Variants in FAM118A observed in about 807,000 individuals in gnomAD.
FAM118A encodes SIR2 antiphage like 2.
Under a neutral mutation model 38.2 loss-of-function variants are expected in FAM118A, and 25 were observed. The observed-to-expected ratio is 0.65, with a 90% CI of 0.48 to 0.91. FAM118A has a LOEUF of 0.91. FAM118A is among the 40% of genes least tolerant of loss of function. FAM118A has a pLI of 0.00. For synonymous variants in FAM118A, 178 were observed against 184.1 expected, an observed-to-expected ratio of 0.97 and a Z score of 0.27; for missense variants, 425 against 463.3, an observed-to-expected ratio of 0.92 and a Z score of 0.76.
At chr22:45,315,515 T>C (rs2084566556) in intron 1 of FAM118A, among the ~76,000 whole-genome samples, 2 of 152,192 alleles carry the variant, frequency 1.3e-5, no homozygotes, top group Admixed American at 1.3e-4. Context: ...CTGTACACTT[T>C]ATTAAGTGCC....
Position 45,332,445 on chromosome 22 carries a change from C to T in FAM118A, c.672C>T (p.Tyr224=). 2 of 1,613,430 alleles carry T rather than the reference C, an allele frequency of 1.2e-6. No individual in the cohort carries two copies. The highest frequency in any genetic ancestry group is 1.3e-5 in the African/African-American group (1 of 74,994). ...AEVMEVLQNL[Y]RTKSFLFVGC... ...TCTAGGAAGTCCTCCAGAACTTATACCGCACCAAGTCCTTTCTGTTTGTGG... is the reference window on the plus strand; with the variant it reads ...TCTAGGAAGTCCTCCAGAACTTATATCGCACCAAGTCCTTTCTGTTTGTGG... Residue 224 remains tyrosine, a synonymous_variant, in exon 6 of 9, where the codon TAC becomes TAT. Coordinates refer to ENST00000441876, the MANE Select transcript of FAM118A (RefSeq NM_017911.4).
intron 3 of FAM118A, 91 bp from the exon 4 acceptor site, chr22:45,327,751 G>GT: frequency 7.6e-7 from 1 of 1,318,388 alleles, no homozygotes; most frequent in Non-Finnish European, 1.1e-6. Flanking sequence ...TTCAGCCGCT[G>GT]TATCTCTGGC....
chr22:45,315,549 A>T (rs1490619302), intron 1 of FAM118A, among the ~76,000 whole-genome samples: 1 of 152,174 alleles, frequency 6.6e-6, no homozygotes, highest in Non-Finnish European at 1.5e-5. Context: ...TCTCCCTTGA[A>T]TGTCTGCAGC....
intron 1 of FAM118A, among the ~76,000 whole-genome samples, chr22:45,316,902 G>A (rs1601884693): frequency 6.6e-6 from 1 of 152,186 alleles, no homozygotes; most frequent in Admixed American, 6.5e-5. Flanking sequence ...TTAAAGGTGA[G>A]CATTCGGAAA....
At chr22:45,317,308 G>T (rs1337407221) in intron 1 of FAM118A, among the ~76,000 whole-genome samples, 2 of 152,216 alleles carry the variant, frequency 1.3e-5, no homozygotes, top group Non-Finnish European at 2.9e-5. Context: ...GAACCCGGGA[G>T]GCGGAGGTTG....
intron 7 of FAM118A, 105 bp downstream of exon 7, chr22:45,335,487 A>G: frequency 1.5e-6 from 2 of 1,301,050 alleles, no homozygotes; most frequent in Non-Finnish European, 2.2e-6. Context: ...ACCTTAAATA[A>G]TTAGCTTGTA....
Position 45,339,348 on chromosome 22 carries a change from G to A in FAM118A, c.1055-1038G>A, listed in dbSNP as rs567302336. Among the ~76,000 whole-genome samples the A allele has an allele frequency of 4.0e-5, 6 of 151,668 alleles. No homozygotes were observed. In the South Asian group the frequency reaches 1.0e-3, roughly 26 times the overall value. ...CAGGAGGCGGAGGTTGCAGTGAGCC[G>A]AGATCACACCATTGTACTCCAGCCT... is the stretch of plus-strand genomic sequence containing the variant. On this transcript the variant is annotated intron_variant, in intron 8 of 8. Transcript: ENST00000441876.
chr22:45,320,917 C>T (rs956728667), intron 1 of FAM118A, among the ~76,000 whole-genome samples: 4 of 152,204 alleles, frequency 2.6e-5, no homozygotes, highest in South Asian at 4.1e-4. Flanking sequence ...TCACAATATA[C>T]AGGCTTTGTG....
chr22:45,323,041 C>CTGTGTGTGTGTGTGTGTG lies in FAM118A; in HGVS notation c.48-116_48-99dup, dbSNP rs3041118. The CTGTGTGTGTGTGTGTGTG allele has an allele frequency of 7.3e-4, 483 of 659,624 alleles. 1 individual carries two copies. Among genetic ancestry groups the CTGTGTGTGTGTGTGTGTG allele is most frequent in the African/African-American group, 1.1e-3 (58 of 53,030 alleles). The allele number at this position is 659,624 out of a possible 1,614,324, so 40.9% of individuals were successfully genotyped here. A position where few individuals can be genotyped will look rare whatever the true frequency, so the allele number is the denominator to read the frequency against. Reference sequence around the variant, plus strand: ...CGTCTCCCCACAGCGTCAGAGGGGACTGTGTGTGTGTGTGTGTGTGTGTGT... The same window carrying CTGTGTGTGTGTGTGTGTG: ...CGTCTCCCCACAGCGTCAGAGGGGACTGTGTGTGTGTGTGTGTGTGTGTGTGTGTGTGTGTGTGTGTGT... On this transcript the variant is annotated intron_variant, in intron 2 of 8. Transcript: ENST00000441876.
chr22:45,336,997 G>A (rs1002462157), intron 8 of FAM118A, among the ~76,000 whole-genome samples: 1 of 152,226 alleles, frequency 6.6e-6, no homozygotes, highest in Non-Finnish European at 1.5e-5. Context: ...AGGCCTCTCT[G>A]TTGACGCTAT....
intron 3 of FAM118A, among the ~76,000 whole-genome samples, chr22:45,326,244 CCCTT>C (rs942281665): frequency 2.6e-5 from 4 of 151,862 alleles, no homozygotes; most frequent in African/African-American, 9.7e-5. Context: ...CTGTCACCAG[CCCTT>C]CCTTTTTCTC....
At chr22:45,330,182 A>G (rs1219035690) in intron 4 of FAM118A, among the ~76,000 whole-genome samples, 2 of 152,334 alleles carry the variant, frequency 1.3e-5, no homozygotes, top group African/African-American at 2.4e-5. Context: ...GACATTTTCT[A>G]TGTAACTGTC....
chr22:45,312,889 T>C (rs1311227772), intron 1 of FAM118A, among the ~76,000 whole-genome samples: 1 of 152,176 alleles, frequency 6.6e-6, no homozygotes, highest in Non-Finnish European at 1.5e-5. Flanking sequence ...CCCAGCCCTT[T>C]TATGCCTTTT....
chr22:45,330,953 T>C (rs1171892628), intron 5 of FAM118A, among the ~76,000 whole-genome samples: 2 of 152,156 alleles, frequency 1.3e-5, no homozygotes. Flanking sequence ...GGCGAACATT[T>C]GTTGGAGGAA....
intron 1 of FAM118A, among the ~76,000 whole-genome samples, chr22:45,319,942 A>G (rs2084779321): frequency 6.6e-6 from 1 of 152,178 alleles, no homozygotes; most frequent in African/African-American, 2.4e-5. Context: ...AAGGTCGCAG[A>G]CATGTTTGGG....
chr22:45,327,699 C>G lies in FAM118A; in HGVS notation c.301-143C>G, dbSNP rs533560445. On this transcript the variant is annotated intron_variant, in intron 3 of 8. Transcript: ENST00000441876. ...CGTGAGCATCCCCTGTCCCCCTGCT[C>G]TGGGGTTGCGGCGCACGCTGTGAAG... 891 of 779,718 alleles carry G rather than the reference C, an allele frequency of 1.1e-3. 1 individual carries two copies. The highest frequency in any genetic ancestry group is 1.7e-3 in the Non-Finnish European group (808 of 477,524). The allele number at this position is 779,718 out of a possible 1,614,324, so 48.3% of individuals were successfully genotyped here.
intron 1 of FAM118A, among the ~76,000 whole-genome samples, chr22:45,315,727 A>G (rs965489692): frequency 4.6e-5 from 7 of 151,364 alleles, no homozygotes; most frequent in African/African-American, 1.5e-4. Context: ...AGAGAGGTCT[A>G]CCTGGCTGGG....
At chr22:45,336,795 G>A (rs2086132454) in intron 8 of FAM118A, among the ~76,000 whole-genome samples, 1 of 152,214 alleles carries the variant, frequency 6.6e-6, no homozygotes, top group Non-Finnish European at 1.5e-5. Flanking sequence ...CGCAGTTGAG[G>A]AAGCAGCATT....
chr22:45,327,766 A>G, intron 3 of FAM118A, 76 bp from the exon 4 acceptor site: 3 of 1,476,320 alleles, frequency 2.0e-6, no homozygotes, highest in South Asian at 1.2e-5. Flanking sequence ...TCTGGCACCC[A>G]GAAAATGGCC....
Sources: gnomAD v4.1 joint callset for allele counts (sites outside exome capture counted in the v4.1 genomes callset) on GRCh38, gnomAD v4.1.1 for gene constraint, MANE v1.5 for transcripts, NCBI Gene and HGNC (gene_info 2026-07-23, HGNC 2026-07-21) for gene names.